The following TKT variants were observed in gnomAD, a reference collection of about 807,000 sequenced individuals.
TKT encodes epididymis luminal protein 107.
In TKT, 47 loss-of-function variants were observed where a neutral mutation model predicts 63.9. The observed-to-expected ratio is 0.74, with a 90% CI of 0.58 to 0.94. The LOEUF (loss-of-function observed/expected upper bound fraction) is 0.94, where lower values mean the gene tolerates loss of function less well. Among genes scored for constraint, TKT ranks in the 40% least tolerant of loss-of-function variants. The probability of loss-of-function intolerance (pLI) is 0.00; values close to 1 mark genes in which losing one functional copy is unlikely to be tolerated. For synonymous variants in TKT, 338 were observed against 334.1 expected (o/e 1.01, Z -0.13); for missense variants, 721 against 846.2 (o/e 0.85, Z 1.84).
At chr3:53,242,333 G>A in intron 1 of TKT, 91 bp from the exon 2 acceptor site, 1 of 1,223,506 alleles carries the variant, frequency 8.2e-7, no homozygotes, top group South Asian at 1.2e-5. Flanking sequence ...GGGGGTGCAT[G>A]TCCTGAGGAG....
intron 1 of TKT, among the ~76,000 whole-genome samples, chr3:53,245,497 T>TGTCAG (rs1404953279): frequency 2.6e-5 from 4 of 151,862 alleles, no homozygotes; most frequent in Non-Finnish European, 5.9e-5. Context: ...AGATAATGGA[T>TGTCAG]GTCAGGTTGG....
chr3:53,236,993 T>G (rs73840282), intron 4 of TKT, among the ~76,000 whole-genome samples: 2,028 of 152,318 alleles, frequency 0.013, 42 homozygotes, highest in African/African-American at 0.047. Context: ...ACATTTGTTG[T>G]AGAACGATTT....
intron 5 of TKT, 56 bp from the exon 6 acceptor site, chr3:53,233,330 A>T: frequency 7.0e-7 from 1 of 1,418,952 alleles, no homozygotes; most frequent in Non-Finnish European, 9.6e-7. Context: ...AACACCGAGG[A>T]GCCTTCCAGG....
chr3:53,242,070 G>A (rs576283634), intron 2 of TKT, 55 bp downstream of exon 2: 31 of 1,533,250 alleles, frequency 2.0e-5, no homozygotes, highest in African/African-American at 1.9e-4. Flanking sequence ...TCCAGGGCCC[G>A]TGTGACCCTA....
chr3:53,245,642 G>A lies in TKT; in HGVS notation c.108-3400C>T, dbSNP rs561057628. ...TCTACTAAAAATACAAAAATTAGCC[G>A]GGCGTGGTGGCACATGCCTATAATC... On this transcript the variant is annotated intron_variant, in intron 1 of 13. Coordinates refer to ENST00000462138, the MANE Select transcript of TKT (RefSeq NM_001064.4). Among the ~76,000 whole-genome samples the A allele has an allele frequency of 4.1e-3, 618 of 151,970 alleles. 1 individual carries two copies. Among genetic ancestry groups the A allele is most frequent in the African/African-American group, 0.013 (559 of 41,446 alleles).
At chr3:53,244,907 A>G (rs972999238) in intron 1 of TKT, among the ~76,000 whole-genome samples, 7 of 151,394 alleles carry the variant, frequency 4.6e-5, no homozygotes, top group African/African-American at 1.7e-4. Flanking sequence ...AAAAAAACTA[A>G]CACACCCTGC....
In TKT at chr3:53,255,958, G is replaced by A. The variant is rs1553682239; in HGVS notation, c.-16C>T. ...AGCTCTCCATGGTGCGGCAGGCGGG[G>A]ACCGGGCGCACACGCGGACACACAG... On this transcript the variant is annotated 5_prime_UTR_variant, in exon 1 of 14. Transcript: ENST00000462138. 3.3e-6 allele frequency: 5 copies of A among 1,497,834 alleles called. No individual in the cohort carries two copies. Among genetic ancestry groups the A allele is most frequent in the Admixed American group, 2.1e-5 (1 of 48,670 alleles). 92.8% of individuals were successfully genotyped at this position (1,497,834 alleles called of 1,614,324 possible).
At position 53,246,284 on chromosome 3, in the gene TKT, C is replaced by T. The variant is rs575324649; in HGVS notation, c.108-4042G>A. On this transcript the variant is annotated intron_variant, in intron 1 of 13. Transcript: ENST00000462138. The stretch of plus-strand genomic sequence containing the variant: ...CTCCATCTCAGGAAAAAAACAACAA[C>T]AACAACAAAAAAAAGGAAACACAAA... Among the ~76,000 whole-genome samples, 86 of 152,048 alleles carry T rather than the reference C, an allele frequency of 5.7e-4. 1 individual carries two copies. The highest frequency in any genetic ancestry group is 1.0e-3 in the Non-Finnish European group (70 of 67,964).
At position 53,242,197 on chromosome 3, in the gene TKT, G is replaced by A. The variant is rs1575569941; in HGVS notation, c.153C>T (p.Leu51=). The A allele has an allele frequency of 1.9e-6, 3 of 1,614,032 alleles. No homozygotes were observed. Among genetic ancestry groups the A allele is most frequent in the Non-Finnish European group, 2.5e-6 (3 of 1,180,040 alleles). Residue 51 remains leucine (L), a synonymous_variant, in exon 2 of 14, where the codon CTC becomes CTT. Coordinates refer to ENST00000462138, the MANE Select transcript of TKT (RefSeq NM_001064.4). ...ACTTGTAGCGCATGGTGTGGAAAAA[G>A]AGGACAGCCATGATCTCTGCGGCGC... The part of the protein sequence containing the change: ...CCSAAEIMAV[L]FFHTMRYKSQ...
intron 5 of TKT, chr3:53,233,712 G>C (rs554999374): frequency 6.5e-6 from 1 of 153,916 alleles, no homozygotes; most frequent in East Asian, 1.9e-4. Context: ...TGTGGTGCTG[G>C]AAATGTTTTT....
chr3:53,254,738 G>A (rs1343029535), intron 1 of TKT, among the ~76,000 whole-genome samples: 3 of 152,184 alleles, frequency 2.0e-5, no homozygotes, highest in Non-Finnish European at 4.4e-5. Flanking sequence ...TACTGTCCCC[G>A]CTTTACAGAG....
Position 53,225,869 on chromosome 3 carries a change from G to T in TKT, c.1759C>A (p.Leu587Met), listed in dbSNP as rs782361329. The T allele has an allele frequency of 1.2e-6, 2 of 1,614,016 alleles. No individual in the cohort carries two copies. Among genetic ancestry groups the T allele is most frequent in the Non-Finnish European group, 1.7e-6 (2 of 1,180,024 alleles). Reference sequence around the variant, plus strand: ...CTTCTTGGTACCCGGTTAACTGCCAGGTGGGTGACAGTGATGCCAGGCTCG... The same window carrying T: ...CTTCTTGGTACCCGGTTAACTGCCATGTGGGTGACAGTGATGCCAGGCTCG... ...VGEPGITVTH[L>M]AVNRVPRSGK... Residue 587 changes from leucine to methionine, a missense_variant, in exon 14 of 14, where the codon CTG (leucine) becomes ATG (methionine). Coordinates refer to ENST00000462138, the MANE Select transcript of TKT (RefSeq NM_001064.4).
At chr3:53,226,358 C>T (rs782803445) in intron 13 of TKT, 6 of 254,134 alleles carry the variant, frequency 2.4e-5, no homozygotes, top group Non-Finnish European at 4.6e-5. Context: ...CCCACTGGGG[C>T]CTCCTACTTA....
chr3:53,254,515 T>C (rs1245730959), intron 1 of TKT, among the ~76,000 whole-genome samples: 2 of 152,224 alleles, frequency 1.3e-5, no homozygotes, highest in Admixed American at 6.5e-5. Context: ...ACAGATTTAC[T>C]TCTTAATAAT....
At chr3:53,239,984 C>T (rs534376402) in intron 4 of TKT, among the ~76,000 whole-genome samples, 10 of 152,346 alleles carry the variant, frequency 6.6e-5, no homozygotes, top group African/African-American at 1.7e-4. Flanking sequence ...ATTGAGAGCA[C>T]GCACTCTGTG....
Position 53,228,162 on chromosome 3 carries a change from CAG to C in TKT, c.1480-15_1480-14del, listed in dbSNP as rs782775606. The C allele has an allele frequency of 1.1e-5, 17 of 1,613,976 alleles. No individual in the cohort carries two copies. In the East Asian group the frequency reaches 2.9e-4, roughly 28 times the overall value. ...TCTTCAGGACCACCTGGGGGTGACA[CAG>C]AGGGTGAGTAAGGCTCAGGGCCCTG... On this transcript the variant is annotated splice_polypyrimidine_tract_variant and intron_variant, in intron 11 of 13. Coordinates refer to ENST00000462138, the MANE Select transcript of TKT (RefSeq NM_001064.4).
At position 53,228,302 on chromosome 3, in the gene TKT, CATT is replaced by C. The variant is rs782679546; in HGVS notation, c.1450_1452del (p.Asn484del). 6 of 1,614,064 alleles carry C rather than the reference CATT, an allele frequency of 3.7e-6. No homozygotes were observed. The highest frequency in any genetic ancestry group is 2.7e-5 in the African/African-American group (2 of 74,930). On this transcript the variant is annotated inframe_deletion, in exon 11 of 14. Coordinates refer to ENST00000462138, the MANE Select transcript of TKT (RefSeq NM_001064.4). ...TTGGCTTGTCCGACCTGGAAGTCCTCATTGTTGTTATAGATGATGGCATTTTCT... is the reference window on the plus strand; with the variant it reads ...TTGGCTTGTCCGACCTGGAAGTCCTCGTTGTTATAGATGATGGCATTTTCT...
chr3:53,226,517 C>T lies in TKT; in HGVS notation c.1696+239G>A, dbSNP rs1704503457. 4 of 536,570 alleles carry T rather than the reference C, an allele frequency of 7.5e-6. No individual in the cohort carries two copies. In the South Asian group the frequency reaches 8.6e-5, roughly 12 times the overall value. 33.2% of individuals were successfully genotyped at this position (536,570 alleles called of 1,614,324 possible). ...CACCATTTAGCAGCGAGGTTGGAATCCTCACCAGCTTCCTGGGCAGCAGGA... is the reference window on the plus strand; with the variant it reads ...CACCATTTAGCAGCGAGGTTGGAATTCTCACCAGCTTCCTGGGCAGCAGGA... On this transcript the variant is annotated intron_variant, in intron 13 of 13. Transcript: ENST00000462138.
At chr3:53,250,810 G>A (rs1705711569) in intron 1 of TKT, among the ~76,000 whole-genome samples, 1 of 151,978 alleles carries the variant, frequency 6.6e-6, no homozygotes, top group Non-Finnish European at 1.5e-5. Flanking sequence ...AAGAGCCAGG[G>A]TTTCACTGTT....
Sources: allele counts gnomAD v4.1 joint callset (sites outside exome capture counted in the v4.1 genomes callset), GRCh38; gene constraint gnomAD v4.1.1; transcripts MANE v1.5; gene names NCBI Gene and HGNC (gene_info 2026-07-23, HGNC 2026-07-21).